The following CFAP58 variants were observed in gnomAD, a reference collection of about 807,000 sequenced individuals.
CFAP58 encodes the protein cilia and flagella associated protein 58.
CFAP58 carries 88 observed loss-of-function variants against 119.5 expected under a neutral mutation model. The ratio of observed to expected loss-of-function variants is 0.74; its 90% confidence interval spans 0.62 to 0.88. The LOEUF is 0.88. Among genes scored for constraint, CFAP58 ranks in the 40% least tolerant of loss-of-function variants. The probability of loss-of-function intolerance (pLI) is 0.00; values close to 1 mark genes in which losing one functional copy is unlikely to be tolerated. For missense variants in CFAP58, 990 were observed against 1,021.2 expected (o/e 0.97, Z 0.42); for synonymous variants, 365 against 366.3 (o/e 1.00, Z 0.04).
At chr10:104,368,208 T>G (rs1340558926) in intron 5 of CFAP58, among the ~76,000 whole-genome samples, 1 of 152,252 alleles carries the variant, frequency 6.6e-6, no homozygotes, top group Non-Finnish European at 1.5e-5. Flanking sequence ...GCTCACTGTG[T>G]TATTCATTAG....
the CFAP58 span, among the ~76,000 whole-genome samples, chr10:104,345,125 C>T: frequency 1.9e-3 from 282 of 151,256 alleles, 1 homozygote; most frequent in Non-Finnish European, 3.6e-3. Flanking sequence ...CCAGCCTGGG[C>T]GACAGAGTGA....
In CFAP58 at chr10:104,357,926, CAT is replaced by C. The variant is rs1265108424; in HGVS notation, c.10-411_10-410del. ...ACACATATACACACATATATGTACA[CAT>C]ATACACACATATATGTACACATATA... On this transcript the variant is annotated intron_variant, in intron 1 of 17. Coordinates refer to ENST00000369704, the MANE Select transcript of CFAP58 (RefSeq NM_001008723.2). Among the ~76,000 whole-genome samples, 71 of 100,770 alleles carry C rather than the reference CAT, an allele frequency of 7.0e-4. 5 individuals carry two copies. Among genetic ancestry groups the C allele is most frequent in the Admixed American group, 2.0e-3 (23 of 11,524 alleles). The allele number at this position is 100,770 out of a possible 152,430, so 66.1% of individuals were successfully genotyped here.
rs73335200 is a variant in CFAP58 at position 104,435,332 on chromosome 10, A to G, written c.2257-12366A>G. Among the ~76,000 whole-genome samples, 780 of 152,284 alleles carry G rather than the reference A, an allele frequency of 5.1e-3. 7 individuals are homozygous for G. Among genetic ancestry groups the G allele is most frequent in the African/African-American group, 0.018 (742 of 41,576 alleles). Reference sequence around the variant, plus strand: ...CCCCATCTCTACCAAAAATACAAAAATATTAGCCGGGCATGGTGGTGTGTG... The same window carrying G: ...CCCCATCTCTACCAAAAATACAAAAGTATTAGCCGGGCATGGTGGTGTGTG... On this transcript the variant is annotated intron_variant, in intron 15 of 17. Coordinates refer to ENST00000369704, the MANE Select transcript of CFAP58 (RefSeq NM_001008723.2).
chr10:104,365,994 C>G lies in CFAP58; in HGVS notation c.778C>G (p.Leu260Val), dbSNP rs4421686. Residue 260 changes from leucine to valine, a missense_variant, in exon 5 of 18, where the codon CTG (leucine) becomes GTG (valine). Transcript: ENST00000369704. ...KEELQKLEQQ[L>V]KEQKILNERA... is the part of the protein sequence containing the mutation. ...GGAGCTTCAGAAGCTGGAGCAGCAGCTGAAGGAGCAGAAGGTGAGTTGGGT... is the reference window on the plus strand; with the variant it reads ...GGAGCTTCAGAAGCTGGAGCAGCAGGTGAAGGAGCAGAAGGTGAGTTGGGT... 1.9e-5 allele frequency: 31 copies of G among 1,600,864 alleles called. No individual in the cohort carries two copies. Among genetic ancestry groups the G allele is most frequent in the Non-Finnish European group, 2.6e-5 (30 of 1,174,864 alleles).
At chr10:104,395,110 T>C (rs934858397) in intron 11 of CFAP58, among the ~76,000 whole-genome samples, 3 of 152,244 alleles carry the variant, frequency 2.0e-5, no homozygotes, top group Non-Finnish European at 2.9e-5. Context: ...TTCTACAAAA[T>C]CCTGCTTTAG....
At chr10:104,399,689 A>G (rs2012227834) in intron 12 of CFAP58, among the ~76,000 whole-genome samples, 189 bp downstream of exon 12, 2 of 152,030 alleles carry the variant, frequency 1.3e-5, no homozygotes, top group Admixed American at 6.6e-5. Context: ...AGCACTTCCC[A>G]CGCCTTAGTC....
intron 6 of CFAP58, 45 bp downstream of exon 6, chr10:104,368,605 A>G (rs763421133): frequency 1.9e-6 from 3 of 1,607,506 alleles, no homozygotes; most frequent in East Asian, 4.5e-5. Context: ...TTTCTTCCTA[A>G]CACAGGTTTG....
Position 104,408,072 on chromosome 10 carries a change from C to T in CFAP58, c.2256+1279C>T, listed in dbSNP as rs183855099. Among the ~76,000 whole-genome samples, 4 of 152,330 alleles carry T rather than the reference C, an allele frequency of 2.6e-5. No individual in the cohort carries two copies. In the East Asian group the frequency reaches 7.7e-4, roughly 29 times the overall value. ...TCTATATATGAGTAAGGGACATTTGCTCCTTCTGTTTTACAGTCTACCTTA... is the reference window on the plus strand; with the variant it reads ...TCTATATATGAGTAAGGGACATTTGTTCCTTCTGTTTTACAGTCTACCTTA... On this transcript the variant is annotated intron_variant, in intron 15 of 17. Transcript: ENST00000369704.
Position 104,370,949 on chromosome 10 carries a change from A to G in CFAP58, c.985A>G (p.Ile329Val), listed in dbSNP as rs2014815022. 1 of 1,613,852 alleles carries G rather than the reference A, an allele frequency of 6.2e-7. No individual in the cohort carries two copies. Among genetic ancestry groups the G allele is most frequent in the Non-Finnish European group, 8.5e-7 (1 of 1,179,954 alleles). Residue 329 changes from isoleucine (I) to valine (V), a missense_variant, in exon 7 of 18, where the codon ATC becomes GTC. Ile to Val is a conservative substitution (Grantham distance 29). Coordinates refer to ENST00000369704, the MANE Select transcript of CFAP58 (RefSeq NM_001008723.2). ...CCTTGACATCGGGAAGCTCAACAAA[A>G]TCAGAGAACAAATTCATAAGAAATT... ...MRLDIGKLNK[I>V]REQIHKKLHH...
At chr10:104,401,727 T>C (rs1259311303) in intron 13 of CFAP58, among the ~76,000 whole-genome samples, 2 of 152,196 alleles carry the variant, frequency 1.3e-5, no homozygotes, top group Non-Finnish European at 2.9e-5. Flanking sequence ...ATAGCGAGGT[T>C]GCCACTATCA....
intron 9 of CFAP58, among the ~76,000 whole-genome samples, chr10:104,380,934 G>A (rs1202501540): frequency 6.6e-6 from 1 of 152,146 alleles, no homozygotes; most frequent in East Asian, 1.9e-4. Flanking sequence ...TGGATAGCTT[G>A]AGGCCAGGAG....
rs541097736 is a variant in CFAP58 at position 104,447,190 on chromosome 10, T to A, written c.2257-508T>A. Among the ~76,000 whole-genome samples the A allele has an allele frequency of 2.8e-3, 427 of 152,082 alleles. 1 individual carries two copies. Among genetic ancestry groups the A allele is most frequent in the Middle Eastern group, 0.02 (6 of 294 alleles). On this transcript the variant is annotated intron_variant, in intron 15 of 17. Transcript: ENST00000369704. ...TTTTTCTTTTTTTCCTCTCTCTTTT[T>A]TTTTTTAAATAGAACCGGGGTCTCA...
At chr10:104,370,644 T>A (rs1216271007) in intron 6 of CFAP58, among the ~76,000 whole-genome samples, 1 of 152,140 alleles carries the variant, frequency 6.6e-6, no homozygotes, top group Non-Finnish European at 1.5e-5. Flanking sequence ...GATGGTAACT[T>A]GAAACAAAAT....
chr10:104,392,288 G>A lies in CFAP58; in HGVS notation c.1421G>A (p.Arg474Lys), dbSNP rs771062873. 3 of 1,611,136 alleles carry A rather than the reference G, an allele frequency of 1.9e-6. No homozygotes were observed. In the South Asian group the frequency reaches 3.3e-5, roughly 18 times the overall value. The stretch of plus-strand genomic sequence containing the variant: ...CGTGAAACACAGATTTTTGACTACA[G>A]GAAAAAAATAGCTGAATCAGAGATT... ...KVRETQIFDY[R>K]KKIAESEIKL... Residue 474 changes from arginine to lysine, a missense_variant, in exon 10 of 18, where the codon AGG becomes AAG. Transcript: ENST00000369704.
At chr10:104,367,547 A>G (rs2014768953) in intron 5 of CFAP58, among the ~76,000 whole-genome samples, 1 of 151,876 alleles carries the variant, frequency 6.6e-6, no homozygotes, top group Non-Finnish European at 1.5e-5. Context: ...CATGAAACAT[A>G]AGAGAGGCTT....
intron 14 of CFAP58, 61 bp from the exon 15 acceptor site, chr10:104,406,627 AG>A: frequency 8.1e-7 from 1 of 1,234,946 alleles, no homozygotes; most frequent in South Asian, 1.2e-5. Context: ...CATTTTACAT[AG>A]AGGCCTCAGT....
intron 15 of CFAP58, among the ~76,000 whole-genome samples, chr10:104,445,317 G>A (rs11599218): frequency 0.22 from 30,254 of 137,614 alleles, 3,136 homozygotes; most frequent in Middle Eastern, 0.31. Context: ...AGTGAGACCC[G>A]GTCTCAAAAA....
intron 11 of CFAP58, among the ~76,000 whole-genome samples, chr10:104,395,464 A>G (rs1482779551): frequency 1.3e-5 from 2 of 152,172 alleles, no homozygotes; most frequent in Non-Finnish European, 1.5e-5. Context: ...TGCATTTCCA[A>G]TGAAGGCAAG....
In CFAP58 at chr10:104,399,640, G is replaced by A. The variant is rs72825888; in HGVS notation, c.1815+140G>A. 7,874 of 848,408 alleles carry A rather than the reference G, an allele frequency of 9.3e-3. 60 individuals are homozygous for A. The highest frequency in any genetic ancestry group is 0.023 in the Middle Eastern group (67 of 2,948). 52.6% of individuals were successfully genotyped at this position (848,408 alleles called of 1,614,324 possible). A position where few individuals can be genotyped will look rare whatever the true frequency, so the allele number is the denominator to read the frequency against. ...CAGCAGCAGAGACCCATCTTGTGTT[G>A]ATTAATTATGAAATATTCACTCCTT... On this transcript the variant is annotated intron_variant, in intron 12 of 17. Transcript: ENST00000369704.
Sources: gnomAD v4.1 joint callset for allele counts (sites outside exome capture counted in the v4.1 genomes callset) on GRCh38, gnomAD v4.1.1 for gene constraint, MANE v1.5 for transcripts, NCBI Gene and HGNC (gene_info 2026-07-23, HGNC 2026-07-21) for gene names.